The following PRKCE variants were observed in gnomAD, a reference collection of about 807,000 sequenced individuals.
PRKCE encodes the protein protein kinase C epsilon.
In PRKCE, 16 loss-of-function variants were observed where a neutral mutation model predicts 85.4. That is an observed-to-expected ratio of 0.19 (90% CI 0.13 to 0.28). PRKCE has a LOEUF of 0.28. Ranked by LOEUF, PRKCE falls within the 10% of genes least tolerant of loss-of-function variation. The probability of loss-of-function intolerance (pLI) is 1.00; values close to 1 mark genes in which losing one functional copy is unlikely to be tolerated. For missense variants in PRKCE, 573 were observed against 975.2 expected (o/e 0.59, Z 5.49); for synonymous variants, 388 against 371.5 (o/e 1.04, Z -0.51).
chr2:45,849,974 A>G (rs1692119783), intron 2 of PRKCE, among the ~76,000 whole-genome samples: 2 of 152,200 alleles, frequency 1.3e-5, no homozygotes, highest in African/African-American at 2.4e-5. Flanking sequence ...CCCATCAAGG[A>G]GTTTATAATG....
rs36102606 is a variant in PRKCE, at chr2:45,865,815, C to CT, written c.412+22772dup. On this transcript the variant is annotated intron_variant, in intron 2 of 14. Transcript: ENST00000306156. Reference sequence around the variant, plus strand: ...AGAAAATAAGTTTCTTCTTCTTCTTCTTTTTTTTTTTTTTTTTTTTGAGAC... The same window carrying CT: ...AGAAAATAAGTTTCTTCTTCTTCTTCTTTTTTTTTTTTTTTTTTTTTGAGAC... Among the ~76,000 whole-genome samples, 884 of 133,684 alleles carry CT rather than the reference C, an allele frequency of 6.6e-3. 12 individuals are homozygous for CT. The highest frequency in any genetic ancestry group is 0.02 in the African/African-American group (702 of 35,860). 87.7% of individuals were successfully genotyped at this position (133,684 alleles called of 152,430 possible).
At chr2:45,773,832 C>T (rs568102437) in intron 1 of PRKCE, among the ~76,000 whole-genome samples, 4 of 152,300 alleles carry the variant, frequency 2.6e-5, no homozygotes, top group Non-Finnish European at 5.9e-5. Flanking sequence ...TAGAAGCCCA[C>T]GAAGTATACC....
At chr2:45,738,581 T>C (rs960316257) in intron 1 of PRKCE, among the ~76,000 whole-genome samples, 14 of 152,254 alleles carry the variant, frequency 9.2e-5, no homozygotes, top group Non-Finnish European at 2.9e-5. Context: ...TGTCATTCTT[T>C]ATATAACCAC....
At chr2:46,039,042 C>T (rs370296924) in intron 10 of PRKCE, among the ~76,000 whole-genome samples, 2 of 152,184 alleles carry the variant, frequency 1.3e-5, no homozygotes, top group Non-Finnish European at 2.9e-5. Flanking sequence ...AAGAATACGG[C>T]TTTAATGGCT....
At chr2:46,086,959 C>T (rs1320654421) in intron 11 of PRKCE, among the ~76,000 whole-genome samples, 6 of 152,178 alleles carry the variant, frequency 3.9e-5, no homozygotes, top group Non-Finnish European at 4.4e-5. Context: ...TCCACACACA[C>T]ATGCACGCGC....
chr2:45,744,145 G>A (rs890128954), intron 1 of PRKCE, among the ~76,000 whole-genome samples: 9 of 152,174 alleles, frequency 5.9e-5, no homozygotes, highest in Non-Finnish European at 1.0e-4. Context: ...CTTGTCAAAT[G>A]GGAATAATAA....
At chr2:46,117,792 T>C (rs1388441093) in intron 11 of PRKCE, among the ~76,000 whole-genome samples, 1 of 152,242 alleles carries the variant, frequency 6.6e-6, no homozygotes, top group Non-Finnish European at 1.5e-5. Flanking sequence ...ATCCCTTACA[T>C]TGCCATAATG....
intron 10 of PRKCE, among the ~76,000 whole-genome samples, chr2:46,025,567 C>A (rs139974181): frequency 6.6e-6 from 1 of 152,176 alleles, no homozygotes; most frequent in Admixed American, 6.5e-5. Context: ...GAGGCACAAG[C>A]GTTGAAGTGC....
intron 2 of PRKCE, among the ~76,000 whole-genome samples, chr2:45,932,431 G>A (rs1433836142): frequency 6.6e-6 from 1 of 152,160 alleles, no homozygotes; most frequent in African/African-American, 2.4e-5. Flanking sequence ...ATACCTAGGA[G>A]TAGCATTGCT....
chr2:46,073,169 C>T (rs1226680796), intron 10 of PRKCE, among the ~76,000 whole-genome samples: 2 of 152,212 alleles, frequency 1.3e-5, no homozygotes, highest in Non-Finnish European at 2.9e-5. Flanking sequence ...CAAAAGTGAA[C>T]ATCCAGCCGA....
chr2:45,890,600 C>T (rs935802723), intron 2 of PRKCE, among the ~76,000 whole-genome samples: 16 of 152,140 alleles, frequency 1.1e-4, no homozygotes, highest in Non-Finnish European at 2.1e-4. Flanking sequence ...AGGCTGGTCT[C>T]GAACTCCTGG....
At chr2:45,973,272 G>T (rs756065314) in intron 2 of PRKCE, among the ~76,000 whole-genome samples, 11 of 152,176 alleles carry the variant, frequency 7.2e-5, no homozygotes, top group Non-Finnish European at 1.6e-4. Context: ...CCACCTGTGG[G>T]TGACAGTGCT....
At chr2:45,926,064 A>G (rs889527818) in intron 2 of PRKCE, among the ~76,000 whole-genome samples, 6 of 152,186 alleles carry the variant, frequency 3.9e-5, no homozygotes, top group African/African-American at 1.4e-4. Flanking sequence ...ATATTGTGCC[A>G]GTTTTTTTCT....
chr2:46,004,474 C>T lies in PRKCE; in HGVS notation c.967-68C>T, dbSNP rs558429229. ...ATGGCTCTTATACGGCATCTTGATG[C>T]TTTTGACATCAGAAAACTCTCAACC... On this transcript the variant is annotated intron_variant, in intron 7 of 14. Transcript: ENST00000306156. This position sits in a 1 kb window ranked among gnomAD's most constrained non-coding sequence, Gnocchi z 4.1. 3.1e-6 allele frequency: 4 copies of T among 1,278,682 alleles called. No individual in the cohort carries two copies. The East Asian group carries it at 1.0e-4, about 32-fold the overall frequency. The allele number at this position is 1,278,682 out of a possible 1,614,324, so 79.2% of individuals were successfully genotyped here. A position where few individuals can be genotyped will look rare whatever the true frequency, so the allele number is the denominator to read the frequency against.
At chr2:46,043,691 G>C (rs1032537457) in intron 10 of PRKCE, among the ~76,000 whole-genome samples, 1 of 152,204 alleles carries the variant, frequency 6.6e-6, no homozygotes. Flanking sequence ...ATCAGAGAAA[G>C]TAAGGTGAAA....
At chr2:45,753,550 G>A (rs925807175) in intron 1 of PRKCE, among the ~76,000 whole-genome samples, 22 of 151,544 alleles carry the variant, frequency 1.5e-4, no homozygotes, top group African/African-American at 4.6e-4. Context: ...TCATTCCAGG[G>A]TGTGCTGAGC....
chr2:45,697,960 G>A lies in PRKCE; in HGVS notation c.348+45512G>A, dbSNP rs1358591701. The A allele has an allele frequency of 6.6e-6, 1 of 152,624 alleles. No homozygotes were observed. The highest frequency in any genetic ancestry group is 1.5e-5 in the Non-Finnish European group (1 of 68,038). 9.5% of individuals were successfully genotyped at this position (152,624 alleles called of 1,614,324 possible). Reference sequence around the variant, plus strand: ...TCCTAGACAGGGTGAATGGAAAGCAGCCCTTTGACAGAAGAAAGACAGAGA... The same window carrying A: ...TCCTAGACAGGGTGAATGGAAAGCAACCCTTTGACAGAAGAAAGACAGAGA... On this transcript the variant is annotated intron_variant, in intron 1 of 14. Transcript: ENST00000306156. The surrounding 1 kb of genome is among the most constrained non-coding windows in gnomAD (Gnocchi z 4.2).
chr2:45,669,346 C>A (rs998493171), intron 1 of PRKCE, among the ~76,000 whole-genome samples: 1 of 152,212 alleles, frequency 6.6e-6, no homozygotes, highest in African/African-American at 2.4e-5. Context: ...AGAAAGCCTC[C>A]TTTTCGCCTG....
chr2:45,787,785 G>GA (rs1219268253), intron 1 of PRKCE, among the ~76,000 whole-genome samples: 1 of 152,322 alleles, frequency 6.6e-6, no homozygotes, highest in South Asian at 2.1e-4. Flanking sequence ...TGCATCTAAA[G>GA]AAAGTGTCTG....
Sources: gnomAD v4.1 joint callset for allele counts (sites outside exome capture counted in the v4.1 genomes callset) on GRCh38, gnomAD v4.1.1 for gene constraint, Gnocchi (gnomAD v3.1) non-coding constraint, MANE v1.5 for transcripts, NCBI Gene and HGNC (gene_info 2026-07-23, HGNC 2026-07-21) for gene names.